The following BLTP3B variants were observed in gnomAD, a reference collection of about 807,000 sequenced individuals.
BLTP3B encodes the protein bridge-like lipid transfer protein family member 3B, also known as UHRF1 (ICBP90) binding protein 1-like.
the BLTP3B span, among the ~76,000 whole-genome samples, chr12:100,134,012 GA>G: frequency 1.3e-5 from 2 of 151,950 alleles, no homozygotes; most frequent in African/African-American, 2.4e-5. Flanking sequence ...TGTACATAAA[GA>G]AAAAAACACA....
chr12:100,126,129 G>A, the BLTP3B span, among the ~76,000 whole-genome samples: 1 of 152,144 alleles, frequency 6.6e-6, no homozygotes. Flanking sequence ...AGAAGACTTT[G>A]GGAAGGCTTC....
At chr12:100,063,497 G>A in the BLTP3B span, among the ~76,000 whole-genome samples, 11 of 152,086 alleles carry the variant, frequency 7.2e-5, no homozygotes, top group Admixed American at 2.6e-4. Context: ...ACCTGAGGTC[G>A]GGAGTTCAAG....
the BLTP3B span, among the ~76,000 whole-genome samples, chr12:100,056,614 G>A: frequency 6.6e-6 from 1 of 151,768 alleles, no homozygotes; most frequent in East Asian, 1.9e-4. Context: ...GAGGTGCACG[G>A]ATCATTCGAG....
the BLTP3B span, chr12:100,058,510 C>T: frequency 5.0e-6 from 8 of 1,613,318 alleles, no homozygotes; most frequent in African/African-American, 9.3e-5. Flanking sequence ...TTAACAGTTA[C>T]ACTTCTAATT....
chr12:100,126,587 A>C, the BLTP3B span, among the ~76,000 whole-genome samples: 1 of 152,184 alleles, frequency 6.6e-6, no homozygotes, highest in Non-Finnish European at 1.5e-5. Flanking sequence ...TGGGCACAAA[A>C]ATTCTACTGT....
At chr12:100,039,581 T>G in the BLTP3B span, 7 of 1,599,440 alleles carry the variant, frequency 4.4e-6, no homozygotes, top group South Asian at 7.9e-5. Flanking sequence ...GAATCTGAAT[T>G]AGGTTTCCCA....
chr12:100,088,912 T>C, the BLTP3B span: 1 of 1,543,186 alleles, frequency 6.5e-7, no homozygotes, highest in African/African-American at 1.4e-5. Context: ...CAAGTTATTT[T>C]ACCTTTTTCT....
At chr12:100,121,713 C>T in the BLTP3B span, among the ~76,000 whole-genome samples, 1 of 152,150 alleles carries the variant, frequency 6.6e-6, no homozygotes, top group South Asian at 2.1e-4. Context: ...CCTATAAGCC[C>T]AGCTACTTGG....
the BLTP3B span, among the ~76,000 whole-genome samples, chr12:100,069,269 T>C: frequency 1.1e-4 from 16 of 152,040 alleles, no homozygotes; most frequent in Non-Finnish European, 2.1e-4. Flanking sequence ...ATCCCACTAC[T>C]TGGTATCCAC....
chr12:100,042,332 GA>G, the BLTP3B span, among the ~76,000 whole-genome samples: 1 of 151,846 alleles, frequency 6.6e-6, no homozygotes, highest in Non-Finnish European at 1.5e-5. Flanking sequence ...AAAAAATCTT[GA>G]AAAGGTACAA....
chr12:100,051,544 A>G, the BLTP3B span: 3 of 198,268 alleles, frequency 1.5e-5, no homozygotes, highest in South Asian at 1.3e-4. Flanking sequence ...CATACAAAAC[A>G]TAAGTCTCAA....
At chr12:100,050,475 T>C in the BLTP3B span, among the ~76,000 whole-genome samples, 1 of 152,206 alleles carries the variant, frequency 6.6e-6, no homozygotes, top group Non-Finnish European at 1.5e-5. Flanking sequence ...TGTTACATTA[T>C]AGTGAAAACC....
At chr12:100,092,858 ACTT>A in the BLTP3B span, 1 of 962,452 alleles carries the variant, frequency 1.0e-6, no homozygotes, top group Non-Finnish European at 1.2e-6. Flanking sequence ...AGTCTCCTGT[ACTT>A]CTTTCCTTAT....
At chr12:100,102,906 T>C in the BLTP3B span, 1 of 1,112,058 alleles carries the variant, frequency 9.0e-7, no homozygotes, top group Non-Finnish European at 1.3e-6. Context: ...ATTCTACGTA[T>C]ATTATTAAAG....
chr12:100,088,767 G>A, the BLTP3B span: 1 of 564,608 alleles, frequency 1.8e-6, no homozygotes. Context: ...TATGCTTCCA[G>A]TTGTGCCTTT....
At chr12:100,075,570 C>T in the BLTP3B span, among the ~76,000 whole-genome samples, 1,732 of 152,152 alleles carry the variant, frequency 0.011, 100 homozygotes, top group Admixed American at 0.094. Flanking sequence ...GGAGAAAATA[C>T]TCACAAATTA....
At chr12:100,084,443 A>C in the BLTP3B span, 5 of 1,571,612 alleles carry the variant, frequency 3.2e-6, no homozygotes, top group Non-Finnish European at 4.3e-6. Context: ...AAACACTCTT[A>C]ATATTAGGGG....
At chr12:100,047,678 C>T in the BLTP3B span, 17 of 1,411,954 alleles carry the variant, frequency 1.2e-5, no homozygotes, top group African/African-American at 8.5e-5. Context: ...TTACTTCATT[C>T]GGTCATATTT....
At chr12:100,067,996 A>C in the BLTP3B span, among the ~76,000 whole-genome samples, 7 of 152,160 alleles carry the variant, frequency 4.6e-5, no homozygotes, top group African/African-American at 1.7e-4. Flanking sequence ...CTAGAAAAAA[A>C]ATTCAAAATC....
Sources: gnomAD v4.1 joint callset for allele counts (sites outside exome capture counted in the v4.1 genomes callset) on GRCh38, gnomAD v4.1.1 for gene constraint, MANE v1.5 for transcripts, NCBI Gene and HGNC (gene_info 2026-07-23, HGNC 2026-07-21) for gene names.